Variants in COLGALT2 observed in about 807,000 individuals in gnomAD.
COLGALT2 encodes procollagen galactosyltransferase 2.
In COLGALT2, 49 loss-of-function variants were observed where a neutral mutation model predicts 73.4. The observed-to-expected ratio is 0.67, with a 90% confidence interval of 0.53 to 0.85. COLGALT2 has a LOEUF of 0.85. Among genes scored for constraint, COLGALT2 ranks in the 40% least tolerant of loss-of-function variants. The pLI, the probability that COLGALT2 is intolerant of heterozygous loss-of-function variation, is 0.00. For missense variants in COLGALT2, 722 were observed against 790.2 expected (o/e 0.91, Z 1.03); for synonymous variants, 295 against 307.6 (o/e 0.96, Z 0.43).
At chr1:184,001,608 A>G (rs564521550) in intron 1 of COLGALT2, among the ~76,000 whole-genome samples, 18 of 152,332 alleles carry the variant, frequency 1.2e-4, no homozygotes, top group African/African-American at 4.3e-4. Flanking sequence ...TGATGTACTT[A>G]AAGCATCATT....
At chr1:184,014,303 G>A (rs1468644149) in intron 1 of COLGALT2, among the ~76,000 whole-genome samples, 1 of 152,162 alleles carries the variant, frequency 6.6e-6, no homozygotes, top group African/African-American at 2.4e-5. Flanking sequence ...TTAGGAAGGT[G>A]GAACCATGGA....
At chr1:183,943,823 C>T (rs1367263392) in intron 10 of COLGALT2, among the ~76,000 whole-genome samples, 2 of 152,174 alleles carry the variant, frequency 1.3e-5, no homozygotes, top group East Asian at 3.8e-4. Context: ...GACTTTAGAG[C>T]TTGAATAAAT....
At chr1:184,033,664 A>G (rs1649581936) in intron 1 of COLGALT2, among the ~76,000 whole-genome samples, 1 of 152,248 alleles carries the variant, frequency 6.6e-6, no homozygotes, top group South Asian at 2.1e-4. Flanking sequence ...CAATTTGATG[A>G]TACTCATTTC....
chr1:183,951,909 A>G (rs1404407917), intron 7 of COLGALT2, among the ~76,000 whole-genome samples: 1 of 152,248 alleles, frequency 6.6e-6, no homozygotes, highest in Non-Finnish European at 1.5e-5. Flanking sequence ...CAAAAAGAAC[A>G]AGGCTTGAGG....
intron 1 of COLGALT2, among the ~76,000 whole-genome samples, chr1:183,995,850 C>T (rs111821124): frequency 6.6e-6 from 1 of 152,030 alleles, no homozygotes; most frequent in Admixed American, 6.6e-5. Context: ...TTGAATCTTA[C>T]ATTTTACTTT....
At chr1:183,997,528 C>A (rs939566547) in intron 1 of COLGALT2, among the ~76,000 whole-genome samples, 2 of 152,146 alleles carry the variant, frequency 1.3e-5, no homozygotes, top group African/African-American at 2.4e-5. Flanking sequence ...TTGTCTTGGG[C>A]TACACATAAA....
At chr1:183,977,470 CAAAA>C (rs71993168) in intron 2 of COLGALT2, among the ~76,000 whole-genome samples, 2 of 126,708 alleles carry the variant, frequency 1.6e-5, no homozygotes. Context: ...GACTCTGTCT[CAAAA>C]AAAAAAAAAA....
At chr1:183,964,139 G>C (rs543983410) in intron 5 of COLGALT2, 119 bp from the exon 6 acceptor site, 3 of 1,088,694 alleles carry the variant, frequency 2.8e-6, no homozygotes, top group African/African-American at 3.2e-5. Context: ...TTAAATAAGT[G>C]GTTGTTTCAG....
rs113223540 is a variant in COLGALT2, at chr1:183,929,981, C to T, written c.*248G>A. On this transcript the variant is annotated 3_prime_UTR_variant, in exon 12 of 12. Transcript: ENST00000649786. ...CCAGGCAGCTTCCATCTTGCAACTT[C>T]GCCATCTCGGTGTTTCCCTTCCAGT... 9 of 266,064 alleles carry T rather than the reference C, an allele frequency of 3.4e-5. 1 individual carries two copies. The highest frequency in any genetic ancestry group is 4.6e-5 in the Admixed American group (1 of 21,676). The allele number at this position is 266,064 out of a possible 1,614,324, so 16.5% of individuals were successfully genotyped here. A position where few individuals can be genotyped will look rare whatever the true frequency, so the allele number is the denominator to read the frequency against.
chr1:183,940,697 C>A lies in COLGALT2; in HGVS notation c.1488G>T (p.Trp496Cys). 6.2e-7 allele frequency: 1 copy of A among 1,614,220 alleles called. No individual in the cohort carries two copies. The highest frequency in any genetic ancestry group is 8.5e-7 in the Non-Finnish European group (1 of 1,180,040). The part of the protein sequence containing the change: ...ANLVEADYSY[W>C]TLGYVISLEG... ...CCAGAGAGATGACGTAGCCCAGGGTCCAGTAGGAATAGTCGGCTTCGACCA... is the reference window on the plus strand; with the variant it reads ...CCAGAGAGATGACGTAGCCCAGGGTACAGTAGGAATAGTCGGCTTCGACCA... Residue 496 changes from tryptophan (W) to cysteine (C), a missense_variant, in exon 11 of 12, where the codon TGG becomes TGT. Physicochemically the swap from Trp to Cys is radical, Grantham distance 215. Transcript: ENST00000361927.
intron 1 of COLGALT2, among the ~76,000 whole-genome samples, chr1:184,016,823 C>A (rs972534200): frequency 7.2e-5 from 11 of 152,110 alleles, no homozygotes; most frequent in African/African-American, 2.7e-4. Context: ...TAGTTAACTG[C>A]CTGACATATT....
intron 8 of COLGALT2, among the ~76,000 whole-genome samples, chr1:183,947,594 T>G (rs1054418166): frequency 6.6e-6 from 1 of 152,134 alleles, no homozygotes; most frequent in Non-Finnish European, 1.5e-5. Flanking sequence ...GCGATACACT[T>G]AACATAGTAC....
At chr1:183,974,992 A>G in intron 3 of COLGALT2, 105 bp downstream of exon 3, 1 of 764,280 alleles carries the variant, frequency 1.3e-6, no homozygotes, top group Non-Finnish European at 2.1e-6. Flanking sequence ...GGCACTGCCT[A>G]ATCAAAAAGG....
chr1:183,955,922 A>G (rs1365115829), intron 6 of COLGALT2, among the ~76,000 whole-genome samples: 2 of 152,148 alleles, frequency 1.3e-5, no homozygotes, highest in African/African-American at 2.4e-5. Flanking sequence ...GGGAAAGTTT[A>G]TAGTGTGGTG....
Position 183,936,150 on chromosome 1 carries a change from G to T in COLGALT2, c.*2611C>A, listed in dbSNP as rs1558305308. On this transcript the variant is annotated 3_prime_UTR_variant, in exon 12 of 12. Transcript: ENST00000361927. ...AGGGTTTAGCCTCCAGAGGCAGAGA[G>T]CGGGTGCCAGGCCCAGATGCAAAGG... 1 of 985,496 alleles carries T rather than the reference G, an allele frequency of 1.0e-6. No homozygotes were observed. The highest frequency in any genetic ancestry group is 1.7e-5 in the African/African-American group (1 of 57,250). 61.0% of individuals were successfully genotyped at this position (985,496 alleles called of 1,614,324 possible). A position where few individuals can be genotyped will look rare whatever the true frequency, so the allele number is the denominator to read the frequency against.
intron 1 of COLGALT2, among the ~76,000 whole-genome samples, chr1:183,985,930 A>C (rs1362016643): frequency 6.6e-6 from 1 of 152,216 alleles, no homozygotes; most frequent in East Asian, 1.9e-4. Flanking sequence ...TGAGCAAAGA[A>C]GACTCACTGG....
chr1:184,015,126 T>C (rs1006275579), intron 1 of COLGALT2, among the ~76,000 whole-genome samples: 3 of 150,840 alleles, frequency 2.0e-5, no homozygotes, highest in African/African-American at 7.3e-5. Flanking sequence ...AGGAAGGGAA[T>C]CTCAGATATT....
chr1:183,937,219 C>G lies in COLGALT2; in HGVS notation c.*1542G>C, dbSNP rs541597618. On this transcript the variant is annotated 3_prime_UTR_variant, in exon 12 of 12. Transcript: ENST00000361927. ...TCAGGGTTTGGGGTGTGCACGGCCC[C>G]CCATATGGCTGCATGGTGCATGGAC... 8.2e-7 allele frequency: 1 copy of G among 1,212,372 alleles called. No individual in the cohort carries two copies. Among genetic ancestry groups the G allele is most frequent in the East Asian group, 3.3e-5 (1 of 30,120 alleles). 75.1% of individuals were successfully genotyped at this position (1,212,372 alleles called of 1,614,324 possible).
At chr1:183,950,781 G>A (rs1012284901) in intron 8 of COLGALT2, among the ~76,000 whole-genome samples, 22 of 152,306 alleles carry the variant, frequency 1.4e-4, no homozygotes, top group South Asian at 4.1e-4. Context: ...TCCAATGTGA[G>A]CCTTCAGTGT....
Sources: gnomAD v4.1 joint callset for allele counts (sites outside exome capture counted in the v4.1 genomes callset) on GRCh38, gnomAD v4.1.1 for gene constraint, MANE v1.5 for transcripts, NCBI Gene and HGNC (gene_info 2026-07-23, HGNC 2026-07-21) for gene names.